The following LAMC3 variants were observed in gnomAD, a reference collection of about 807,000 sequenced individuals.
The protein encoded by LAMC3 is laminin subunit gamma-3.
In LAMC3, 128 loss-of-function variants were observed where a neutral mutation model predicts 173.8. The observed-to-expected ratio is 0.74, with a 90% CI of 0.64 to 0.85. The LOEUF (loss-of-function observed/expected upper bound fraction) is 0.85, where lower values mean the gene tolerates loss of function less well. Ranked by LOEUF, LAMC3 falls within the 40% of genes least tolerant of loss-of-function variation. The probability of loss-of-function intolerance (pLI) is 0.00; values close to 1 mark genes in which losing one functional copy is unlikely to be tolerated. For synonymous variants in LAMC3, 897 were observed against 909.1 expected, an observed-to-expected ratio of 0.99 and a Z score of 0.24; for missense variants, 2,022 against 2,156.0, an observed-to-expected ratio of 0.94 and a Z score of 1.23.
intron 8 of LAMC3, among the ~76,000 whole-genome samples, chr9:131,047,119 T>G (rs1268896032): frequency 6.6e-6 from 1 of 150,454 alleles, no homozygotes; most frequent in Non-Finnish European, 1.5e-5. Context: ...GTCTCACAGT[T>G]GCCCTTGCGC....
In LAMC3 at chr9:131,077,267, C is replaced by A. The variant is rs1313888139; in HGVS notation, c.3710C>A (p.Ala1237Asp). The A allele has an allele frequency of 6.2e-7, 1 of 1,614,024 alleles. No homozygotes were observed. Among genetic ancestry groups the A allele is most frequent in the Non-Finnish European group, 8.5e-7 (1 of 1,180,032 alleles). ...CTGCCTGAAGCGGAAAGCGTGTTGG[C>A]CACCGTGCAGCAAGTTGGCGCAGAT... ...EVLPEAESVL[A>D]TVQQVGADTA... is the part of the protein sequence containing the mutation. The change falls in exon 22 of 28, where the codon GCC becomes GAC. Residue 1237 changes from alanine to aspartate, a missense_variant. Coordinates refer to ENST00000361069, the MANE Select transcript of LAMC3 (RefSeq NM_006059.4).
intron 2 of LAMC3, among the ~76,000 whole-genome samples, chr9:131,030,288 A>G (rs1833802704): frequency 6.6e-6 from 1 of 152,206 alleles, no homozygotes; most frequent in African/African-American, 2.4e-5. Context: ...AATTGAGGCT[A>G]AGGCTGCTCT....
chr9:131,067,100 C>T lies in LAMC3; in HGVS notation c.2488C>T (p.His830Tyr). The T allele has an allele frequency of 1.2e-6, 2 of 1,614,176 alleles. No individual in the cohort carries two copies. Among genetic ancestry groups the T allele is most frequent in the African/African-American group, 1.3e-5 (1 of 75,044 alleles). The change falls in exon 14 of 28, where the codon CAC becomes TAC. Residue 830 changes from histidine to tyrosine, a missense_variant. His to Tyr is a moderately conservative substitution (Grantham distance 83, BLOSUM62 2). Coordinates refer to ENST00000361069, the MANE Select transcript of LAMC3 (RefSeq NM_006059.4). Reference protein sequence around the residue: ...AVGNCDPLSGHCLRCLHNTTG... With the variant: ...AVGNCDPLSGYCLRCLHNTTG... ...GGGCAACTGTGACCCCCTGTCTGGC[C>T]ACTGCCTGCGCTGCCTGCACAACAC...
chr9:131,013,707 G>A (rs1833466266), intron 1 of LAMC3, among the ~76,000 whole-genome samples: 1 of 152,234 alleles, frequency 6.6e-6, no homozygotes, highest in African/African-American at 2.4e-5. Flanking sequence ...GATGGTAGGA[G>A]CTGACCAAAG....
chr9:131,021,447 C>G (rs944533931), intron 1 of LAMC3: 1 of 152,118 alleles, frequency 6.6e-6, no homozygotes, highest in Non-Finnish European at 1.5e-5. Flanking sequence ...TAATAGCCAT[C>G]CTAATGGATG....
intron 8 of LAMC3, among the ~76,000 whole-genome samples, chr9:131,047,435 G>A (rs1834192258): frequency 6.6e-6 from 1 of 151,290 alleles, no homozygotes; most frequent in Non-Finnish European, 1.5e-5. Flanking sequence ...CCAGAGTGCT[G>A]GGATTACAGG....
chr9:131,028,893 G>T (rs1416648143), intron 2 of LAMC3, among the ~76,000 whole-genome samples: 1 of 152,138 alleles, frequency 6.6e-6, no homozygotes, highest in Non-Finnish European at 1.5e-5. Context: ...TTACTCCTGG[G>T]CTCAAGCGAT....
At chr9:131,073,459 A>C in intron 20 of LAMC3, 138 bp downstream of exon 20, 1 of 724,876 alleles carries the variant, frequency 1.4e-6, no homozygotes, top group Admixed American at 2.0e-5. Context: ...CAGTGTCACC[A>C]GCATGGGGAG....
chr9:131,031,964 C>G, intron 2 of LAMC3, 81 bp from the exon 3 acceptor site: 1 of 1,611,708 alleles, frequency 6.2e-7, no homozygotes, highest in Non-Finnish European at 8.5e-7. Context: ...GGGCAGCCAG[C>G]TGGATCTGCC....
chr9:131,053,675 A>C (rs964853754), intron 11 of LAMC3, among the ~76,000 whole-genome samples: 2 of 152,200 alleles, frequency 1.3e-5, no homozygotes, highest in African/African-American at 4.8e-5. Flanking sequence ...TCTACTAAAA[A>C]TACAAAAATT....
At position 131,039,264 on chromosome 9, in the gene LAMC3, G is replaced by A. The variant is rs765410350; in HGVS notation, c.1283+16G>A. 2.7e-5 allele frequency: 42 copies of A among 1,583,458 alleles called. No individual in the cohort carries two copies. Among genetic ancestry groups the A allele is most frequent in the Admixed American group, 6.7e-5 (4 of 59,938 alleles). On this transcript the variant is annotated intron_variant, in intron 6 of 27. Coordinates refer to ENST00000361069, the MANE Select transcript of LAMC3 (RefSeq NM_006059.4). ...GAGGCTGCAGGTGAGGGCGAGGGGC[G>A]GCCCAGTATGGACACATTGCACTGA...
At chr9:131,032,534 G>C (rs985800953) in intron 3 of LAMC3, among the ~76,000 whole-genome samples, 16 of 58,918 alleles carry the variant, frequency 2.7e-4, no homozygotes, top group South Asian at 4.5e-4. Flanking sequence ...CTCTCTCGCT[G>C]TCTCTCTCTC....
At chr9:131,033,778 C>T (rs563148247) in intron 3 of LAMC3, among the ~76,000 whole-genome samples, 1 of 152,132 alleles carries the variant, frequency 6.6e-6, no homozygotes, top group African/African-American at 2.4e-5. Flanking sequence ...AGGATGGAAA[C>T]GCAGCTCTGT....
At chr9:131,072,524 G>T in intron 18 of LAMC3, 106 bp from the exon 19 acceptor site, 1 of 910,434 alleles carries the variant, frequency 1.1e-6, no homozygotes, top group South Asian at 1.4e-5. Flanking sequence ...GCTCAGGGCT[G>T]CTGATGCCTG....
In LAMC3 at chr9:131,072,637, G is replaced by A. The variant is rs1327828857; in HGVS notation, c.3219G>A (p.Arg1073=). ...YQGHHLLPGA[R]EAFLEQMMSL... Reference sequence around the variant, plus strand: ...GCTGTGGGCTTCCCATAGGGGCTCGGGAAGCCTTCCTGGAGCAGATGATGA... The same window carrying A: ...GCTGTGGGCTTCCCATAGGGGCTCGAGAAGCCTTCCTGGAGCAGATGATGA... Residue 1073 remains arginine (R), a synonymous_variant, in exon 19 of 28, where the codon CGG becomes CGA. Coordinates refer to ENST00000361069, the MANE Select transcript of LAMC3 (RefSeq NM_006059.4). 1 of 1,609,684 alleles carries A rather than the reference G, an allele frequency of 6.2e-7. No individual in the cohort carries two copies. The highest frequency in any genetic ancestry group is 1.3e-5 in the African/African-American group (1 of 74,830).
intron 17 of LAMC3, 65 bp from the exon 18 acceptor site, chr9:131,071,419 G>A (rs1830033470): frequency 4.4e-6 from 7 of 1,582,648 alleles, no homozygotes; most frequent in South Asian, 1.1e-5. Flanking sequence ...AGAAGCCAGC[G>A]GGAGTGTCTG....
At position 131,072,839 on chromosome 9, in the gene LAMC3, T is replaced by C; in HGVS notation, c.3417+4T>C. On this transcript the variant is annotated splice_donor_region_variant and intron_variant, in intron 19 of 27. Transcript: ENST00000361069. The stretch of plus-strand genomic sequence containing the variant: ...AGCTGCCATTCTCGCGTCTCTGGTA[T>C]CCCAGGGGACCCCCCTACCCGAACA... 1 of 1,608,670 alleles carries C rather than the reference T, an allele frequency of 6.2e-7. No homozygotes were observed. Among genetic ancestry groups the C allele is most frequent in the Non-Finnish European group, 8.5e-7 (1 of 1,177,640 alleles).
intron 9 of LAMC3, among the ~76,000 whole-genome samples, chr9:131,050,681 T>C (rs1256203845): frequency 6.6e-6 from 1 of 151,810 alleles, no homozygotes; most frequent in Non-Finnish European, 1.5e-5. Context: ...GACAGGAGAA[T>C]TGCTTGAACC....
At chr9:131,059,580 G>T (rs915366423) in intron 12 of LAMC3, among the ~76,000 whole-genome samples, 9 of 148,166 alleles carry the variant, frequency 6.1e-5, no homozygotes, top group African/African-American at 2.0e-4. Flanking sequence ...CCACATACAG[G>T]GCACTCTGTC....
Sources: allele counts gnomAD v4.1 joint callset (sites outside exome capture counted in the v4.1 genomes callset), GRCh38; gene constraint gnomAD v4.1.1; transcripts MANE v1.5; gene names NCBI Gene and HGNC (gene_info 2026-07-23, HGNC 2026-07-21).